Variants in SHROOM3 observed in about 807,000 individuals in gnomAD.
The protein encoded by SHROOM3 is shroom family member 3.
SHROOM3 carries 47 observed loss-of-function variants against 138.6 expected under a neutral mutation model. That is an observed-to-expected ratio of 0.34 (90% CI 0.27 to 0.43). The LOEUF (loss-of-function observed/expected upper bound fraction) is 0.43, where lower values mean the gene tolerates loss of function less well. Among genes scored for constraint, SHROOM3 ranks in the 20% least tolerant of loss-of-function variants. The pLI is 1.00. For synonymous variants in SHROOM3, 1,062 were observed against 1,063.3 expected (o/e 1.00, Z 0.02); for missense variants, 2,491 against 2,596.5 (o/e 0.96, Z 0.88).
At chr4:76,743,351 A>G (rs887298427) in intron 5 of SHROOM3, among the ~76,000 whole-genome samples, 3 of 152,190 alleles carry the variant, frequency 2.0e-5, no homozygotes, top group Non-Finnish European at 4.4e-5. Flanking sequence ...TTTGACAAGG[A>G]TTTAGCTCTT....
intron 3 of SHROOM3, among the ~76,000 whole-genome samples, chr4:76,721,693 TA>T (rs1347120712): frequency 1.3e-5 from 2 of 152,028 alleles, no homozygotes; most frequent in East Asian, 1.9e-4. Flanking sequence ...TATTGTTGAG[TA>T]AAAAAGCAAG....
chr4:76,604,714 C>T (rs2110057043), intron 2 of SHROOM3, among the ~76,000 whole-genome samples: 1 of 152,200 alleles, frequency 6.6e-6, no homozygotes, highest in Non-Finnish European at 1.5e-5. Flanking sequence ...CCATCTAAGG[C>T]AGTATAGGAA....
At chr4:76,606,389 C>CTCAT (rs1214775769) in intron 2 of SHROOM3, among the ~76,000 whole-genome samples, 1 of 151,654 alleles carries the variant, frequency 6.6e-6, no homozygotes, top group Non-Finnish European at 1.5e-5. Context: ...ATGTTAGCTA[C>CTCAT]TCTGAATGTT....
chr4:76,614,108 T>C (rs1253464198), intron 2 of SHROOM3, among the ~76,000 whole-genome samples: 1 of 152,144 alleles, frequency 6.6e-6, no homozygotes, highest in Non-Finnish European at 1.5e-5. Context: ...TGGAGTGCAG[T>C]GCAGTGGCGA....
chr4:76,456,723 G>A (rs533514764), intron 1 of SHROOM3, among the ~76,000 whole-genome samples: 5 of 152,214 alleles, frequency 3.3e-5, no homozygotes, highest in South Asian at 2.1e-4. Context: ...ATGCGCGTCC[G>A]TGTAAAGAGA....
intron 1 of SHROOM3, among the ~76,000 whole-genome samples, chr4:76,459,762 A>T (rs1731103587): frequency 1.3e-5 from 2 of 152,248 alleles, no homozygotes; most frequent in African/African-American, 4.8e-5. Context: ...ACAGTCCAGA[A>T]AATGCTAGCA....
At chr4:76,620,437 G>A (rs1255911113) in intron 2 of SHROOM3, among the ~76,000 whole-genome samples, 1 of 152,246 alleles carries the variant, frequency 6.6e-6, no homozygotes, top group Non-Finnish European at 1.5e-5. Flanking sequence ...GTGCCCAGGA[G>A]AGGAGGGCTG....
chr4:76,765,742 C>T (rs1241436597), intron 9 of SHROOM3, among the ~76,000 whole-genome samples: 1 of 152,080 alleles, frequency 6.6e-6, no homozygotes, highest in Admixed American at 6.6e-5. Flanking sequence ...TACGACTGCA[C>T]AAAAAATATA....
chr4:76,696,295 G>A (rs904824401), intron 2 of SHROOM3, among the ~76,000 whole-genome samples: 2 of 152,062 alleles, frequency 1.3e-5, no homozygotes, highest in East Asian at 1.9e-4. Context: ...CTTCACCATC[G>A]CCCCCAGCCT....
At chr4:76,513,575 A>G (rs1732382974) in intron 1 of SHROOM3, among the ~76,000 whole-genome samples, 2 of 152,138 alleles carry the variant, frequency 1.3e-5, no homozygotes, top group East Asian at 3.9e-4. Flanking sequence ...CGGCCTTCCA[A>G]AGCACTGGGA....
At chr4:76,469,770 T>G (rs1039489211) in intron 1 of SHROOM3, among the ~76,000 whole-genome samples, 1 of 152,162 alleles carries the variant, frequency 6.6e-6, no homozygotes, top group African/African-American at 2.4e-5. Context: ...AGTGTCTTAA[T>G]GTAGTACTCT....
chr4:76,756,381 C>T, intron 7 of SHROOM3, 68 bp from the exon 8 acceptor site: 1 of 1,532,488 alleles, frequency 6.5e-7, no homozygotes, highest in Non-Finnish European at 8.8e-7. Context: ...CTCTTATCAT[C>T]ACCCTTCTCT....
intron 2 of SHROOM3, among the ~76,000 whole-genome samples, chr4:76,686,483 T>C (rs1440987533): frequency 6.6e-6 from 1 of 152,174 alleles, no homozygotes; most frequent in Non-Finnish European, 1.5e-5. Flanking sequence ...TAGACTTACA[T>C]TGAAAATGTA....
At chr4:76,471,309 T>G (rs1460779741) in intron 1 of SHROOM3, among the ~76,000 whole-genome samples, 1 of 151,488 alleles carries the variant, frequency 6.6e-6, no homozygotes. Context: ...AGTGGCGTGA[T>G]CTTGGCTCAC....
At position 76,779,991 on chromosome 4, in the gene SHROOM3, G is replaced by T. The variant is rs1722690251; in HGVS notation, c.*814G>T. On this transcript the variant is annotated 3_prime_UTR_variant, in exon 11 of 11. Transcript: ENST00000296043. ...GCTTCATGTCATTATCACTGGTGGG[G>T]AAACAAAGCTAAATTTTATTAACAA... is the stretch of plus-strand genomic sequence containing the variant. 1 of 152,306 alleles carries T rather than the reference G, an allele frequency of 6.6e-6. No homozygotes were observed. Among genetic ancestry groups the T allele is most frequent in the African/African-American group, 2.4e-5 (1 of 41,424 alleles). 9.4% of individuals were successfully genotyped at this position (152,306 alleles called of 1,614,324 possible).
intron 6 of SHROOM3, among the ~76,000 whole-genome samples, chr4:76,751,012 G>C (rs1466618975): frequency 6.6e-6 from 1 of 152,176 alleles, no homozygotes; most frequent in Non-Finnish European, 1.5e-5. Flanking sequence ...CTGGGGAAAA[G>C]CATAGGCATG....
intron 1 of SHROOM3, among the ~76,000 whole-genome samples, chr4:76,459,821 C>T (rs1032634175): frequency 2.0e-5 from 3 of 152,118 alleles, no homozygotes; most frequent in African/African-American, 7.2e-5. Context: ...GAGAGTGGCA[C>T]AAAAGAGCTG....
chr4:76,641,770 C>T (rs775903189), intron 2 of SHROOM3, among the ~76,000 whole-genome samples: 8 of 152,230 alleles, frequency 5.3e-5, no homozygotes, highest in Non-Finnish European at 2.9e-5. Context: ...TGAATGCCCT[C>T]AATGCATTGG....
At chr4:76,629,077 C>G (rs1735235000) in intron 2 of SHROOM3, 1 of 152,212 alleles carries the variant, frequency 6.6e-6, no homozygotes, top group African/African-American at 2.4e-5. Context: ...AACTCCTGAG[C>G]TCAAGGGATC....
Sources: gnomAD v4.1 joint callset for allele counts (sites outside exome capture counted in the v4.1 genomes callset) on GRCh38, gnomAD v4.1.1 for gene constraint, MANE v1.5 for transcripts, NCBI Gene and HGNC (gene_info 2026-07-23, HGNC 2026-07-21) for gene names.